The following SLC25A20 variants were observed in gnomAD, a reference collection of about 807,000 sequenced individuals.
SLC25A20 encodes the protein mitochondrial carnitine/acylcarnitine carrier protein.
Under a neutral mutation model 39.7 loss-of-function variants are expected in SLC25A20, and 29 were observed. That is an observed-to-expected ratio of 0.73 (90% CI 0.54 to 1.00). The LOEUF is 1.00. SLC25A20 is among the 50% of genes least tolerant of loss of function. The pLI, the probability that SLC25A20 is intolerant of heterozygous loss-of-function variation, is 0.00. For synonymous variants in SLC25A20, 103 were observed against 142.2 expected, an observed-to-expected ratio of 0.72 and a Z score of 1.96; for missense variants, 333 against 379.9, an observed-to-expected ratio of 0.88 and a Z score of 1.03.
At chr3:48,894,521 C>T (rs1341609387) in intron 1 of SLC25A20, among the ~76,000 whole-genome samples, 2 of 151,846 alleles carry the variant, frequency 1.3e-5, no homozygotes, top group Non-Finnish European at 2.9e-5. Flanking sequence ...GATCCACCCG[C>T]CTCGGCCTCC....
chr3:48,859,121 G>A lies in SLC25A20; in HGVS notation c.689C>T (p.Pro230Leu), dbSNP rs1327726845. 1.9e-6 allele frequency: 3 copies of A among 1,613,634 alleles called. No homozygotes were observed. The highest frequency in any genetic ancestry group is 3.3e-5 in the Admixed American group (2 of 59,980). ...CTGGAATCGAGACTTGAGCACATCT[G>A]GGGGGATTGCCACAGCCCAGTTGAA... is the stretch of plus-strand genomic sequence containing the variant. ...GIFNWAVAIPPDVLKSRFQTA... is the reference protein window; with the variant it reads ...GIFNWAVAIPLDVLKSRFQTA... Residue 230 changes from proline to leucine, a missense_variant, in exon 7 of 9, where the codon CCA (proline) becomes CTA (leucine). By Grantham distance (98) the Pro-to-Leu change is moderately conservative. Coordinates refer to ENST00000319017, the MANE Select transcript of SLC25A20 (RefSeq NM_000387.6).
At chr3:48,862,863 T>C (rs991181124) in intron 4 of SLC25A20, among the ~76,000 whole-genome samples, 14 of 152,162 alleles carry the variant, frequency 9.2e-5, no homozygotes, top group South Asian at 4.1e-4. Flanking sequence ...AACATTCACA[T>C]TGACTAGAAA....
At chr3:48,892,237 T>C (rs1464938700) in intron 1 of SLC25A20, among the ~76,000 whole-genome samples, 165 bp from the exon 2 acceptor site, 1 of 152,242 alleles carries the variant, frequency 6.6e-6, no homozygotes, top group Non-Finnish European at 1.5e-5. Flanking sequence ...ATTTCATTAG[T>C]ACTTCATTCC....
chr3:48,898,706 G>T lies in SLC25A20; in HGVS notation c.89C>A (p.Pro30His). The T allele has an allele frequency of 6.2e-7, 1 of 1,606,244 alleles. No homozygotes were observed. The highest frequency in any genetic ancestry group is 1.1e-5 in the South Asian group (1 of 89,854). The change falls in exon 1 of 9, where the codon CCT becomes CAT. Residue 30 changes from proline (P) to histidine (H), a missense_variant. Pro to His is a moderately conservative substitution (Grantham distance 77). Coordinates refer to ENST00000319017, the MANE Select transcript of SLC25A20 (RefSeq NM_000387.6). ...CTCCCGCACCTTGACCGTGTCCAGA[G>T]GGTGACCGACGAACACCAGGCACAC... ...GGVCLVFVGHPLDTVKVRLQT... is the reference protein window; with the variant it reads ...GGVCLVFVGHHLDTVKVRLQT...
chr3:48,858,734 TCATGTGGGACCAGTC>T, intron 7 of SLC25A20, 103 bp from the exon 8 acceptor site: 1 of 1,423,956 alleles, frequency 7.0e-7, no homozygotes, highest in Admixed American at 1.7e-5. Flanking sequence ...ACCTTGCAGG[TCATGTGGGACCAGTC>T]CATAGACAAC....
At chr3:48,884,340 C>A (rs1444954971) in intron 2 of SLC25A20, among the ~76,000 whole-genome samples, 1 of 152,052 alleles carries the variant, frequency 6.6e-6, no homozygotes, top group Admixed American at 6.6e-5. Context: ...CAAAGGCAAT[C>A]TGTTTTTGTT....
At chr3:48,889,349 C>T (rs1244373847) in intron 2 of SLC25A20, among the ~76,000 whole-genome samples, 1 of 151,586 alleles carries the variant, frequency 6.6e-6, no homozygotes, top group Non-Finnish European at 1.5e-5. Flanking sequence ...AAGTTCATGC[C>T]ACTGTAGTCA....
chr3:48,898,626 G>T, intron 1 of SLC25A20, 64 bp downstream of exon 1: 2 of 1,445,202 alleles, frequency 1.4e-6, no homozygotes, highest in South Asian at 1.2e-5. Flanking sequence ...GCCTCGCGGG[G>T]GACCATGCTT....
At chr3:48,860,846 T>C (rs1189641420) in intron 5 of SLC25A20, among the ~76,000 whole-genome samples, 1 of 149,122 alleles carries the variant, frequency 6.7e-6, no homozygotes, top group Admixed American at 6.6e-5. Flanking sequence ...TTTTTTTTTT[T>C]TTTTTGAGAC....
chr3:48,862,682 T>C (rs1213337012), intron 4 of SLC25A20, 23 bp from the exon 5 acceptor site: 1 of 1,518,040 alleles, frequency 6.6e-7, no homozygotes, highest in African/African-American at 1.4e-5. Flanking sequence ...AGAGGATCAT[T>C]AAGTCAGAAA....
chr3:48,894,183 T>TTCTCTCTCTCTCTCTCTCTC (rs375593797), intron 1 of SLC25A20, among the ~76,000 whole-genome samples: 8 of 110,276 alleles, frequency 7.3e-5, no homozygotes, highest in Admixed American at 3.7e-4. Flanking sequence ...AAGAAGAAGA[T>TTCTCTCTCTCTCTCTCTCTC]TCTCTCTCTC....
At chr3:48,887,052 T>C (rs2083834903) in intron 2 of SLC25A20, among the ~76,000 whole-genome samples, 1 of 152,058 alleles carries the variant, frequency 6.6e-6, no homozygotes, top group Non-Finnish European at 1.5e-5. Context: ...AGGCTGCAGG[T>C]GGACTCCAAG....
chr3:48,875,787 C>A (rs2083751274), intron 4 of SLC25A20, among the ~76,000 whole-genome samples: 1 of 152,076 alleles, frequency 6.6e-6, no homozygotes, highest in Non-Finnish European at 1.5e-5. Flanking sequence ...GAGGCCAAGG[C>A]AGACAGATCG....
intron 1 of SLC25A20, among the ~76,000 whole-genome samples, chr3:48,894,158 C>CA (rs1264070423): frequency 0.026 from 1,705 of 65,050 alleles, 21 homozygotes; most frequent in Non-Finnish European, 0.036. Flanking sequence ...GACTCCTTCT[C>CA]AAAAAAAAAA....
intron 2 of SLC25A20, among the ~76,000 whole-genome samples, chr3:48,887,505 T>A (rs2083838283): frequency 6.6e-6 from 1 of 152,174 alleles, no homozygotes; most frequent in Non-Finnish European, 1.5e-5. Flanking sequence ...ACCTTCCTTC[T>A]GTAAGGGCAG....
At chr3:48,893,745 AT>A (rs2083893370) in intron 1 of SLC25A20, among the ~76,000 whole-genome samples, 1 of 149,564 alleles carries the variant, frequency 6.7e-6, no homozygotes, top group Non-Finnish European at 1.5e-5. Context: ...GCCCAGGCTG[AT>A]CTGGAACTCC....
intron 4 of SLC25A20, among the ~76,000 whole-genome samples, chr3:48,862,971 C>T (rs997551241): frequency 2.6e-5 from 4 of 152,060 alleles, no homozygotes; most frequent in Non-Finnish European, 5.9e-5. Flanking sequence ...GCAGGCAGGT[C>T]GCCTGAGGTC....
intron 3 of SLC25A20, among the ~76,000 whole-genome samples, chr3:48,881,680 G>A (rs149569581): frequency 1.3e-5 from 2 of 152,236 alleles, no homozygotes; most frequent in Admixed American, 1.3e-4. Flanking sequence ...TCTGAGTGCT[G>A]ATGTGACTGT....
In SLC25A20 at chr3:48,857,664, A is replaced by G. The variant is rs983919371; in HGVS notation, c.*46T>C. The stretch of plus-strand genomic sequence containing the variant: ...TTCTGCTTACTACTCCTTCTCCTCA[A>G]CGACAGCTTCCAGCATCCAGAAGTG... On this transcript the variant is annotated 3_prime_UTR_variant, in exon 9 of 9. Transcript: ENST00000319017. The G allele has an allele frequency of 3.2e-6, 5 of 1,586,930 alleles. No individual in the cohort carries two copies. Among genetic ancestry groups the G allele is most frequent in the Non-Finnish European group, 4.3e-6 (5 of 1,157,048 alleles).
Sources: gnomAD v4.1 joint callset for allele counts (sites outside exome capture counted in the v4.1 genomes callset) on GRCh38, gnomAD v4.1.1 for gene constraint, MANE v1.5 for transcripts, NCBI Gene and HGNC (gene_info 2026-07-23, HGNC 2026-07-21) for gene names.